The following ADPRHL1 variants were observed in gnomAD, a reference collection of about 807,000 sequenced individuals.
ADPRHL1 encodes inactive ADP-ribosyltransferase ARH2.
In ADPRHL1, 43 loss-of-function variants were observed where a neutral mutation model predicts 44.1. The observed-to-expected ratio is 0.98, with a 90% CI of 0.76 to 1.26. The LOEUF (loss-of-function observed/expected upper bound fraction) is 1.26, where lower values mean the gene tolerates loss of function less well. ADPRHL1 is among the 50% of genes most tolerant of loss of function. The pLI is 0.00. For missense variants in ADPRHL1, 2,022 were observed against 2,496.9 expected (o/e 0.81, Z 4.05); for synonymous variants, 878 against 1,017.4 (o/e 0.86, Z 2.61).
At position 113,404,565 on chromosome 13, in the gene ADPRHL1, G is replaced by A. The variant is rs368370082; in HGVS notation, c.4717C>T (p.Gln1573Ter). Residue 1573 changes from glutamine (Q) to a stop codon, truncating the protein, a stop_gained, in exon 8 of 8, where the codon CAG becomes TAG. Transcript: ENST00000612156. LOFTEE classifies it low-confidence loss of function (END_TRUNC). ...EAQGQAQEPA[Q>*]GGAQGQVQGQ... ...TGAACCTGTCCCTGGGCCCCACCCTGAGCTGGTTCCTGTGCCTGCCCCTGG... is the reference window on the plus strand; with the variant it reads ...TGAACCTGTCCCTGGGCCCCACCCTAAGCTGGTTCCTGTGCCTGCCCCTGG... 74 of 1,302,826 alleles carry A rather than the reference G, an allele frequency of 5.7e-5. No homozygotes were observed. The East Asian group carries it at 1.7e-3, about 30-fold the overall frequency. The allele number at this position is 1,302,826 out of a possible 1,614,324, so 80.7% of individuals were successfully genotyped here. A position where few individuals can be genotyped will look rare whatever the true frequency, so the allele number is the denominator to read the frequency against.
intron 7 of ADPRHL1, among the ~76,000 whole-genome samples, chr13:113,420,264 G>C (rs554149421): frequency 1.3e-5 from 2 of 152,166 alleles, no homozygotes; most frequent in Non-Finnish European, 2.9e-5. Context: ...GGCACTGCCA[G>C]CTTTTGTTTA....
intron 1 of ADPRHL1, among the ~76,000 whole-genome samples, chr13:113,446,869 T>TGTG (rs1465995848): frequency 8.3e-4 from 123 of 148,464 alleles, no homozygotes; most frequent in African/African-American, 2.8e-3. Flanking sequence ...ACATGCACGG[T>TGTG]GTGTGTGCAT....
At chr13:113,408,710 G>T (rs888322928) in intron 7 of ADPRHL1, among the ~76,000 whole-genome samples, 2 of 152,160 alleles carry the variant, frequency 1.3e-5, no homozygotes, top group South Asian at 2.1e-4. Flanking sequence ...CAGGGACCTG[G>T]GTCCCTACAG....
intron 2 of ADPRHL1, among the ~76,000 whole-genome samples, chr13:113,435,584 C>T (rs1338656301): frequency 8.3e-4 from 2 of 2,416 alleles, no homozygotes; most frequent in African/African-American, 1.7e-3. Context: ...AGAGTGAACA[C>T]AGGTGTACCC....
Position 113,453,098 on chromosome 13 carries a change from G to A in ADPRHL1, c.214+126C>T, listed in dbSNP as rs1011924000. On this transcript the variant is annotated intron_variant, in intron 1 of 7. Coordinates refer to ENST00000612156, the MANE Select transcript of ADPRHL1 (RefSeq NM_001394807.1). This position sits in a 1 kb window ranked among gnomAD's most constrained non-coding sequence, Gnocchi z 5.4. ...GATTAAATTGCCACTTTTAGCAGCG[G>A]TATCAGGTAACACCATCCGCTGAAG... The A allele has an allele frequency of 4.1e-6, 4 of 981,308 alleles. No individual in the cohort carries two copies. The African/African-American group carries it at 6.5e-5, about 16-fold the overall frequency. 60.8% of individuals were successfully genotyped at this position (981,308 alleles called of 1,614,324 possible).
In ADPRHL1 at chr13:113,403,835, C is replaced by A. The variant is rs1018059902; in HGVS notation, c.5447G>T (p.Arg1816Leu). The A allele has an allele frequency of 2.6e-6, 3 of 1,152,388 alleles. No homozygotes were observed. The highest frequency in any genetic ancestry group is 3.2e-6 in the Non-Finnish European group (3 of 938,874). 71.4% of individuals were successfully genotyped at this position (1,152,388 alleles called of 1,614,324 possible). ...EQALTSGMAPRAWEQPISGIA... is the reference protein window; with the variant it reads ...EQALTSGMAPLAWEQPISGIA... ...GCCACTAATGGGCTGCTCCCAGGCC[C>A]GAGGCGCCATCCCACTTGTCAAGGC... is the stretch of plus-strand genomic sequence containing the variant. The change falls in exon 8 of 8, where the codon CGG becomes CTG. Residue 1816 changes from arginine to leucine, a missense_variant. Around this residue, in one of 8 missense-constraint regions of ADPRHL1, gnomAD observed 205 missense variants for 250.1 expected, o/e 0.82. Coordinates refer to ENST00000612156, the MANE Select transcript of ADPRHL1 (RefSeq NM_001394807.1).
At chr13:113,434,118 T>C (rs1030039496) in intron 2 of ADPRHL1, among the ~76,000 whole-genome samples, 9 of 152,226 alleles carry the variant, frequency 5.9e-5, no homozygotes, top group African/African-American at 2.2e-4. Flanking sequence ...CCTGGAGATA[T>C]GCTCGTGATT....
chr13:113,429,455 G>A (rs1393289901), intron 3 of ADPRHL1, among the ~76,000 whole-genome samples: 1 of 152,210 alleles, frequency 6.6e-6, no homozygotes, highest in East Asian at 1.9e-4. Context: ...TTCCACTCAG[G>A]ACGCATCCCC....
In ADPRHL1 at chr13:113,409,129, G is replaced by C. The variant is rs2043831830; in HGVS notation, c.1062-909C>G. 6.6e-6 allele frequency among the ~76,000 whole-genome samples: 1 copy of C among 152,216 alleles called. No individual in the cohort carries two copies. The highest frequency in any genetic ancestry group is 2.4e-5 in the African/African-American group (1 of 41,448). On this transcript the variant is annotated intron_variant, in intron 7 of 7. Transcript: ENST00000612156. The surrounding 1 kb of genome is among the most constrained non-coding windows in gnomAD (Gnocchi z 4.2). ...CCAGGGATTCCTTCCCACCAGCCCA[G>C]CTTTCAAAGAGACGGGACCAAATGG...
At chr13:113,435,237 T>C (rs1595551039) in intron 2 of ADPRHL1, among the ~76,000 whole-genome samples, 3 of 18,400 alleles carry the variant, frequency 1.6e-4, no homozygotes, top group Non-Finnish European at 2.8e-4. Flanking sequence ...CACCCAGGTG[T>C]AGAGTGAACA....
At position 113,405,415 on chromosome 13, in the gene ADPRHL1, C is replaced by T. The variant is rs150755495; in HGVS notation, c.3867G>A (p.Ser1289=). The change falls in exon 8 of 8, where the codon TCG becomes TCA. Residue 1289 remains serine, a synonymous_variant. Coordinates refer to ENST00000612156, the MANE Select transcript of ADPRHL1 (RefSeq NM_001394807.1). ...CCTTTGCCTGTGGGTTCTCAGGAGG[C>T]GACGGCGGGAGGCCAGGGCCATAGC... ...SPSYGPGLPP[S]PPENPQAKGR... The T allele has an allele frequency of 8.4e-5, 103 of 1,232,016 alleles. No homozygotes were observed. In the East Asian group the frequency reaches 3.0e-3, roughly 36 times the overall value. 76.3% of individuals were successfully genotyped at this position (1,232,016 alleles called of 1,614,324 possible). A position where few individuals can be genotyped will look rare whatever the true frequency, so the allele number is the denominator to read the frequency against.
chr13:113,446,006 G>T (rs2044134150), intron 1 of ADPRHL1, among the ~76,000 whole-genome samples: 1 of 148,360 alleles, frequency 6.7e-6, no homozygotes, highest in African/African-American at 2.5e-5. Context: ...ACCCCCCAGA[G>T]AGAGTGCTTG....
chr13:113,406,796 T>A lies in ADPRHL1; in HGVS notation c.2486A>T (p.Gln829Leu), dbSNP rs1427706280. ...HIPPLNAPSV[Q>L]AARRTQPATE... ...GGCAGGCTGTGTTCTCCGAGCAGCC[T>A]GGACCGATGGAGCGTTCAGGGGTGG... The change falls in exon 8 of 8, where the codon CAG (glutamine) becomes CTG (leucine). Residue 829 changes from glutamine (Q) to leucine (L), a missense_variant. Gln to Leu is a moderately radical substitution (Grantham distance 113). Around this residue, in one of 8 missense-constraint regions of ADPRHL1, gnomAD observed 1,221 missense variants for 1,517.8 expected, o/e 0.80. Transcript: ENST00000612156. 2 of 1,231,928 alleles carry A rather than the reference T, an allele frequency of 1.6e-6. No individual in the cohort carries two copies. Among genetic ancestry groups the A allele is most frequent in the Non-Finnish European group, 2.0e-6 (2 of 988,010 alleles). The allele number at this position is 1,231,928 out of a possible 1,614,324, so 76.3% of individuals were successfully genotyped here.
At position 113,402,047 on chromosome 13, in the gene ADPRHL1, A is replaced by G. The variant is rs1038372777; in HGVS notation, c.*1331T>C. On this transcript the variant is annotated 3_prime_UTR_variant, in exon 8 of 8. Transcript: ENST00000612156. ...CTGTTTCAGGAAACCGCTCAGTAGC[A>G]AAGGCAGAAGATGCCAAGACACCTT... 1 of 152,318 alleles carries G rather than the reference A, an allele frequency of 6.6e-6. No individual in the cohort carries two copies. Among genetic ancestry groups the G allele is most frequent in the Non-Finnish European group, 1.5e-5 (1 of 68,064 alleles). The allele number at this position is 152,318 out of a possible 1,614,324, so 9.4% of individuals were successfully genotyped here. A position where few individuals can be genotyped will look rare whatever the true frequency, so the allele number is the denominator to read the frequency against.
chr13:113,419,038 C>CCCCTTCCCTTCCTTCTTTTCCTT (rs2043901482), intron 7 of ADPRHL1, among the ~76,000 whole-genome samples: 3 of 36,932 alleles, frequency 8.1e-5, no homozygotes, highest in Non-Finnish European at 2.3e-4. Context: ...CCCTTCCCCT[C>CCCCTTCCCTTCCTTCTTTTCCTT]CCCTTCCCTT....
chr13:113,400,436 GC>G lies in ADPRHL1; in HGVS notation c.*2941del, dbSNP rs1371843534. Reference sequence around the variant, plus strand: ...TGGGATTACAGGCATGAGCCACCGTGCCCGGCCACTTTCTTTCTTTCTTTTT... The same window carrying G: ...TGGGATTACAGGCATGAGCCACCGTGCCGGCCACTTTCTTTCTTTCTTTTT... On this transcript the variant is annotated 3_prime_UTR_variant, in exon 8 of 8. Transcript: ENST00000612156. 1 of 149,670 alleles carries G rather than the reference GC, an allele frequency of 6.7e-6. No homozygotes were observed. Among genetic ancestry groups the G allele is most frequent in the Non-Finnish European group, 1.5e-5 (1 of 67,690 alleles). The allele number at this position is 149,670 out of a possible 1,614,324, so 9.3% of individuals were successfully genotyped here.
intron 5 of ADPRHL1, among the ~76,000 whole-genome samples, chr13:113,424,600 G>A (rs889485196): frequency 7.6e-5 from 11 of 145,586 alleles, no homozygotes; most frequent in Admixed American, 2.1e-4. Flanking sequence ...GATTACAGGC[G>A]TACACCAGCA....
chr13:113,430,181 G>A (rs1341629325), intron 3 of ADPRHL1, among the ~76,000 whole-genome samples: 5 of 152,184 alleles, frequency 3.3e-5, no homozygotes, highest in East Asian at 1.9e-4. Flanking sequence ...GCCTCATTCC[G>A]CTAGTGTGCA....
intron 4 of ADPRHL1, among the ~76,000 whole-genome samples, chr13:113,428,675 C>T (rs771347289): frequency 4.1e-4 from 62 of 152,330 alleles, no homozygotes; most frequent in Non-Finnish European, 7.2e-4. Context: ...TGGACGGGGA[C>T]GGGTGGACCC....
Sources: allele counts gnomAD v4.1 joint callset (sites outside exome capture counted in the v4.1 genomes callset), GRCh38; gene constraint gnomAD v4.1.1; regional missense constraint gnomAD v4.1.1; non-coding constraint Gnocchi (gnomAD v3.1); transcripts MANE v1.5; gene names NCBI Gene and HGNC (gene_info 2026-07-23, HGNC 2026-07-21).